Variants in KMT2A observed in about 807,000 individuals in gnomAD.
KMT2A encodes histone-lysine N-methyltransferase 2A.
Under a neutral mutation model 345.3 loss-of-function variants are expected in KMT2A, and 16 were observed. The ratio of observed to expected loss-of-function variants is 0.05; its 90% CI spans 0.03 to 0.07. The LOEUF is 0.07. KMT2A is among the 10% of genes least tolerant of loss of function. KMT2A has a pLI of 1.00. For synonymous variants in KMT2A, 1,599 were observed against 1,778.6 expected (o/e 0.90, Z 2.54); for missense variants, 3,272 against 4,841.6 (o/e 0.68, Z 9.62).
At position 118,502,520 on chromosome 11, in the gene KMT2A, C is replaced by A. The variant is rs1555046049; in HGVS notation, c.6628C>A (p.Leu2210Ile). The change falls in exon 27 of 36, where the codon CTC becomes ATC. Residue 2210 changes from leucine (L) to isoleucine (I), a missense_variant. By Grantham distance (5) the Leu-to-Ile change is conservative. This residue lies in a region of KMT2A where 445 missense variants were observed against 500.9 expected (regional missense o/e 0.89). Coordinates refer to ENST00000534358, the MANE Select transcript of KMT2A (RefSeq NM_001197104.2). The surrounding 1 kb of genome is among the most constrained non-coding windows in gnomAD (Gnocchi z 4.9). ...TSSLSPQRSK[L>I]RIMSPMRTGN... ...TTCCTTATCACCCCAGCGGTCCAAA[C>A]TCCGGATAATGTCTCCAATGAGAAC... 6.2e-7 allele frequency: 1 copy of A among 1,614,140 alleles called. No homozygotes were observed. Among genetic ancestry groups the A allele is most frequent in the East Asian group, 2.2e-5 (1 of 44,888 alleles).
Position 118,491,602 on chromosome 11 carries a change from T to C in KMT2A, c.4820-142T>C. The C allele has an allele frequency of 1.5e-6, 1 of 683,844 alleles. No homozygotes were observed. The highest frequency in any genetic ancestry group is 2.4e-6 in the Non-Finnish European group (1 of 423,480). 42.4% of individuals were successfully genotyped at this position (683,844 alleles called of 1,614,324 possible). A position where few individuals can be genotyped will look rare whatever the true frequency, so the allele number is the denominator to read the frequency against. On this transcript the variant is annotated intron_variant, in intron 14 of 35. Transcript: ENST00000534358. The surrounding 1 kb of genome is among the most constrained non-coding windows in gnomAD (Gnocchi z 4.2). Reference sequence around the variant, plus strand: ...ATAATGCCACTTTTTGAGATCAATATGTGTCATATCCATGAGGACATTAAA... The same window carrying C: ...ATAATGCCACTTTTTGAGATCAATACGTGTCATATCCATGAGGACATTAAA...
chr11:118,450,155 TA>T (rs1172858747), intron 1 of KMT2A: 1 of 152,088 alleles, frequency 6.6e-6, no homozygotes, highest in African/African-American at 2.4e-5. Flanking sequence ...AGCAAGTAGA[TA>T]AACCAGTTCA....
rs964465797 is a variant in KMT2A, at chr11:118,522,916, T to G, written c.*744T>G. 1.3e-5 allele frequency: 3 copies of G among 226,782 alleles called. No individual in the cohort carries two copies. The highest frequency in any genetic ancestry group is 2.6e-5 in the Non-Finnish European group (3 of 113,694). 14.0% of individuals were successfully genotyped at this position (226,782 alleles called of 1,614,324 possible). On this transcript the variant is annotated 3_prime_UTR_variant, in exon 36 of 36. Coordinates refer to ENST00000534358, the MANE Select transcript of KMT2A (RefSeq NM_001197104.2). The surrounding 1 kb of genome is among the most constrained non-coding windows in gnomAD (Gnocchi z 5.4). Reference sequence around the variant, plus strand: ...CTTTTCTTCCTTTCCCCTGTCTTCATGCCACTGCTTTCCCATGCTTCTTTC... The same window carrying G: ...CTTTTCTTCCTTTCCCCTGTCTTCAGGCCACTGCTTTCCCATGCTTCTTTC...
rs1950273070 is a variant in KMT2A at position 118,488,691 on chromosome 11, G to C, written c.4410G>C (p.Gln1470His). 6.2e-7 allele frequency: 1 copy of C among 1,614,044 alleles called. No individual in the cohort carries two copies. Among genetic ancestry groups the C allele is most frequent in the African/African-American group, 1.3e-5 (1 of 74,926 alleles). The change falls in exon 11 of 36, where the codon CAG becomes CAC. Residue 1470 changes from glutamine (Q) to histidine (H), a missense_variant. Gln to His is a conservative substitution (Grantham distance 24). Around this residue, in one of 27 missense-constraint regions of KMT2A, gnomAD observed 120 missense variants for 280.4 expected, o/e 0.43. Transcript: ENST00000534358. Reference sequence around the variant, plus strand: ...AGAACGAGCGCCCTCTGGAGGACCAGCTGGAAAATTGGTGTTGTCGTCGTT... The same window carrying C: ...AGAACGAGCGCCCTCTGGAGGACCACCTGGAAAATTGGTGTTGTCGTCGTT... The part of the protein sequence containing the change: ...LEENERPLED[Q>H]LENWCCRRCK...
chr11:118,491,744 A>G lies in KMT2A; in HGVS notation c.4820A>G (p.Asp1607Gly). Residue 1607 changes from aspartate (D) to glycine (G), a missense_variant and splice_region_variant, in exon 15 of 36, where the codon GAT becomes GGT. Around this residue, in one of 27 missense-constraint regions of KMT2A, gnomAD observed 120 missense variants for 280.4 expected, o/e 0.43. Transcript: ENST00000534358. This position sits in a 1 kb window ranked among gnomAD's most constrained non-coding sequence, Gnocchi z 4.2. ...TCATGGTAGGTTTTTGTTTTCTTAG[A>G]TGAGATGTATGAGATTCTATCTAAT... ...SKCENLSGTE[D>G]EMYEILSNLP... 6.3e-7 allele frequency: 1 copy of G among 1,591,984 alleles called. No homozygotes were observed. Among genetic ancestry groups the G allele is most frequent in the Non-Finnish European group, 8.6e-7 (1 of 1,169,138 alleles).
At chr11:118,477,867 A>T in intron 4 of KMT2A, 100 bp from the exon 5 acceptor site, 1 of 767,542 alleles carries the variant, frequency 1.3e-6, no homozygotes, top group Non-Finnish European at 2.2e-6. Context: ...AGTTCTGTAT[A>T]TAAATATTTT....
In KMT2A at chr11:118,520,706, CAA is replaced by C. The variant is rs1329191159; in HGVS notation, c.11430-94_11430-93del. The C allele has an allele frequency of 1.0e-5, 9 of 875,640 alleles. No individual in the cohort carries two copies. The highest frequency in any genetic ancestry group is 1.3e-5 in the Non-Finnish European group (7 of 531,020). 54.2% of individuals were successfully genotyped at this position (875,640 alleles called of 1,614,324 possible). A position where few individuals can be genotyped will look rare whatever the true frequency, so the allele number is the denominator to read the frequency against. ...GGCACTCGTTCAGTTTGGCATTAAA[CAA>C]AGAGTGTACTAATTGTCTCTAGGAA... On this transcript the variant is annotated intron_variant, in intron 33 of 35. Coordinates refer to ENST00000534358, the MANE Select transcript of KMT2A (RefSeq NM_001197104.2). This position sits in a 1 kb window ranked among gnomAD's most constrained non-coding sequence, Gnocchi z 4.3.
chr11:118,480,030 T>G, intron 5 of KMT2A, 144 bp from the exon 6 acceptor site: 1 of 626,810 alleles, frequency 1.6e-6, no homozygotes, highest in Non-Finnish European at 2.8e-6. Context: ...AGATTTAATC[T>G]GAGTAATGAG....
intron 31 of KMT2A, among the ~76,000 whole-genome samples, chr11:118,513,015 G>C (rs1396960111): frequency 1.3e-5 from 2 of 152,000 alleles, no homozygotes; most frequent in Non-Finnish European, 2.9e-5. Flanking sequence ...AAGGCAGAAG[G>C]ATCATTTGAG....
rs782432590 is a variant in KMT2A, at chr11:118,505,801, C to G, written c.9909C>G (p.Pro3303=). The change falls in exon 27 of 36, where the codon CCC becomes CCG. Residue 3303 remains proline, a synonymous_variant. Transcript: ENST00000534358. The surrounding 1 kb of genome is among the most constrained non-coding windows in gnomAD (Gnocchi z 4.6). ...KSSIMYFEPA[P]LLPQSVGGTA... ...GCATCATGTATTTTGAACCGGCACCCCTGTTACCACAGAGTGTGGGAGGAA... is the reference window on the plus strand; with the variant it reads ...GCATCATGTATTTTGAACCGGCACCGCTGTTACCACAGAGTGTGGGAGGAA... 6.2e-7 allele frequency: 1 copy of G among 1,614,148 alleles called. No homozygotes were observed. The highest frequency in any genetic ancestry group is 1.1e-5 in the South Asian group (1 of 91,074).
At position 118,465,744 on chromosome 11, in the gene KMT2A, G is replaced by C. The variant is rs1429821656; in HGVS notation, c.433-3031G>C. On this transcript the variant is annotated intron_variant, in intron 1 of 35. Transcript: ENST00000534358. ...GATTTTTTTGTTTCTGAAGTGATTT[G>C]CCATTACCTATTTTATTTGCTTTTT... Among the ~76,000 whole-genome samples, 3 of 152,104 alleles carry C rather than the reference G, an allele frequency of 2.0e-5. No individual in the cohort carries two copies. In the East Asian group the frequency reaches 5.8e-4, roughly 29 times the overall value.
chr11:118,498,043 G>A lies in KMT2A; in HGVS notation c.5772G>A (p.Val1924=), dbSNP rs2134364458. ...FEDDDGSLKN[V]HMAVIRGKQL... is the part of the protein sequence containing the mutation. Reference sequence around the variant, plus strand: ...ATGATGACGGATCACTAAAGAATGTGCATATGGCTGTGATCAGGGGCAAGC... The same window carrying A: ...ATGATGACGGATCACTAAAGAATGTACATATGGCTGTGATCAGGGGCAAGC... The change falls in exon 21 of 36, where the codon GTG becomes GTA. Residue 1924 remains valine, a synonymous_variant. Coordinates refer to ENST00000534358, the MANE Select transcript of KMT2A (RefSeq NM_001197104.2). The surrounding 1 kb of genome is among the most constrained non-coding windows in gnomAD (Gnocchi z 4.4). 1 of 1,614,120 alleles carries A rather than the reference G, an allele frequency of 6.2e-7. No homozygotes were observed. Among genetic ancestry groups the A allele is most frequent in the South Asian group, 1.1e-5 (1 of 91,078 alleles).
In KMT2A at chr11:118,494,498, T is replaced by C. The variant is rs1344807770; in HGVS notation, c.5289+100T>C. On this transcript the variant is annotated intron_variant, in intron 17 of 35. Coordinates refer to ENST00000534358, the MANE Select transcript of KMT2A (RefSeq NM_001197104.2). The surrounding 1 kb of genome is among the most constrained non-coding windows in gnomAD (Gnocchi z 5.8). Reference sequence around the variant, plus strand: ...CTCTTCTACTTTTTGCTTTGTGGTGTGTATAAAACATCTTTGGTTTAATTT... The same window carrying C: ...CTCTTCTACTTTTTGCTTTGTGGTGCGTATAAAACATCTTTGGTTTAATTT... The C allele has an allele frequency of 3.6e-6, 3 of 837,902 alleles. No homozygotes were observed. In the African/African-American group the frequency reaches 5.2e-5, roughly 14 times the overall value. 51.9% of individuals were successfully genotyped at this position (837,902 alleles called of 1,614,324 possible).
Position 118,519,960 on chromosome 11 carries a change from G to C in KMT2A, c.11325G>C (p.Lys3775Asn). The C allele has an allele frequency of 6.2e-7, 1 of 1,612,930 alleles. No individual in the cohort carries two copies. Among genetic ancestry groups the C allele is most frequent in the East Asian group, 2.2e-5 (1 of 44,882 alleles). The part of the protein sequence containing the change: ...GSARAEVHLR[K>N]SAFDMFNFLA... Reference sequence around the variant, plus strand: ...TGTTTTAATCTTTTGGCCCCAGGAAGTCAGCATTTGACATGTTTAACTTCC... The same window carrying C: ...TGTTTTAATCTTTTGGCCCCAGGAACTCAGCATTTGACATGTTTAACTTCC... The change falls in exon 33 of 36, where the codon AAG becomes AAC. Residue 3775 changes from lysine to asparagine, a missense_variant. Lys to Asn is a moderately conservative substitution (Grantham distance 94). Around this residue, in one of 27 missense-constraint regions of KMT2A, gnomAD observed 72 missense variants for 135.6 expected, o/e 0.53. Coordinates refer to ENST00000534358, the MANE Select transcript of KMT2A (RefSeq NM_001197104.2).
intron 2 of KMT2A, among the ~76,000 whole-genome samples, chr11:118,470,649 C>T (rs1432010096): frequency 2.0e-5 from 3 of 152,012 alleles, no homozygotes; most frequent in Non-Finnish European, 2.9e-5. Flanking sequence ...ACAATAAAAC[C>T]TTTGTTGACT....
At chr11:118,499,548 C>T (rs1303746745) in intron 23 of KMT2A, 128 bp downstream of exon 23, 2 of 726,522 alleles carry the variant, frequency 2.8e-6, no homozygotes, top group Admixed American at 2.0e-5. Context: ...CTTTGGGAGG[C>T]TGAGGCGGGC....
At chr11:118,486,389 ATCTT>A (rs1164026830) in intron 10 of KMT2A, among the ~76,000 whole-genome samples, 2 of 149,468 alleles carry the variant, frequency 1.3e-5, no homozygotes, top group Non-Finnish European at 3.0e-5. Context: ...TTTTTTTTTA[ATCTT>A]TCTGAGTTTT....
At position 118,484,052 on chromosome 11, in the gene KMT2A, AT is replaced by A; in HGVS notation, c.4087-129del. 1.1e-6 allele frequency: 1 copy of A among 951,640 alleles called. No individual in the cohort carries two copies. The highest frequency in any genetic ancestry group is 1.5e-6 in the Non-Finnish European group (1 of 648,190). The allele number at this position is 951,640 out of a possible 1,614,324, so 58.9% of individuals were successfully genotyped here. A position where few individuals can be genotyped will look rare whatever the true frequency, so the allele number is the denominator to read the frequency against. On this transcript the variant is annotated intron_variant, in intron 8 of 35. Coordinates refer to ENST00000534358, the MANE Select transcript of KMT2A (RefSeq NM_001197104.2). This position sits in a 1 kb window ranked among gnomAD's most constrained non-coding sequence, Gnocchi z 4.1. ...GTCTCTTTTAAAAAAAAATTCAAAGATTATTTGTTTATGTTGGAAACATGTT... is the reference window on the plus strand; with the variant it reads ...GTCTCTTTTAAAAAAAAATTCAAAGATATTTGTTTATGTTGGAAACATGTT...
chr11:118,496,053 G>A lies in KMT2A; in HGVS notation c.5557+160G>A, dbSNP rs1445766654. 2.6e-5 allele frequency among the ~76,000 whole-genome samples: 4 copies of A among 152,194 alleles called. No homozygotes were observed. The highest frequency in any genetic ancestry group is 4.8e-5 in the African/African-American group (2 of 41,440). On this transcript the variant is annotated intron_variant, in intron 19 of 35. Coordinates refer to ENST00000534358, the MANE Select transcript of KMT2A (RefSeq NM_001197104.2). The surrounding 1 kb of genome is among the most constrained non-coding windows in gnomAD (Gnocchi z 4.7). ...CATCATTAATTTTGCTTCACTTGAG[G>A]TGTTAATGAGGACTTGATATAAATA...
Sources: allele counts gnomAD v4.1 joint callset (sites outside exome capture counted in the v4.1 genomes callset), GRCh38; gene constraint gnomAD v4.1.1; regional missense constraint gnomAD v4.1.1; non-coding constraint Gnocchi (gnomAD v3.1); transcripts MANE v1.5; gene names NCBI Gene and HGNC (gene_info 2026-07-23, HGNC 2026-07-21).